Variants in TDRD9 observed in about 807,000 individuals in gnomAD.
TDRD9 encodes the protein tudor domain containing 9, also known as ATP-dependent RNA helicase TDRD9.
A neutral mutation model predicts 172.6 loss-of-function variants in TDRD9; 124 were observed. That is an observed-to-expected ratio of 0.72 (90% CI 0.62 to 0.83). The LOEUF (loss-of-function observed/expected upper bound fraction) is 0.83, where lower values mean the gene tolerates loss of function less well. Ranked by LOEUF, TDRD9 falls within the 40% of genes least tolerant of loss-of-function variation. The pLI is 0.00. For missense variants in TDRD9, 1,479 were observed against 1,714.1 expected (o/e 0.86, Z 2.42); for synonymous variants, 619 against 617.1 (o/e 1.00, Z -0.05).
chr14:103,991,414 T>G (rs890149455), intron 9 of TDRD9, among the ~76,000 whole-genome samples, 190 bp downstream of exon 9: 2 of 152,060 alleles, frequency 1.3e-5, no homozygotes, highest in African/African-American at 4.8e-5. Context: ...TTTTTTTTCC[T>G]TTTCCTTTTC....
chr14:103,999,630 G>A (rs1218386425), intron 13 of TDRD9, among the ~76,000 whole-genome samples: 2 of 146,644 alleles, frequency 1.4e-5, no homozygotes, highest in Non-Finnish European at 3.0e-5. Context: ...TTTTTTTTTT[G>A]TTTGTTTTTT....
At chr14:104,004,187 G>A in intron 13 of TDRD9, 51 bp from the exon 14 acceptor site, 1 of 856,572 alleles carries the variant, frequency 1.2e-6, no homozygotes. Flanking sequence ...CCTTCATGCT[G>A]ATGTTAAAGT....
At chr14:104,008,509 C>A in intron 20 of TDRD9, 43 bp downstream of exon 20, 3 of 1,224,454 alleles carry the variant, frequency 2.5e-6, no homozygotes, top group Middle Eastern at 1.9e-4. Flanking sequence ...ATAAAGTTGA[C>A]TTATGAAATA....
chr14:103,995,461 C>T (rs907131026), intron 11 of TDRD9, among the ~76,000 whole-genome samples: 1 of 152,166 alleles, frequency 6.6e-6, no homozygotes, highest in African/African-American at 2.4e-5. Context: ...CAGGACCCCT[C>T]TCCACCCCAC....
chr14:104,022,719 G>A (rs898184835), intron 24 of TDRD9, among the ~76,000 whole-genome samples: 6 of 103,688 alleles, frequency 5.8e-5, no homozygotes, highest in Admixed American at 5.5e-4. Context: ...AGAACAAGAC[G>A]CTGTCTTAAA....
chr14:104,003,557 C>A (rs554608592), intron 13 of TDRD9, among the ~76,000 whole-genome samples: 78 of 152,300 alleles, frequency 5.1e-4, no homozygotes, highest in African/African-American at 1.7e-3. Context: ...TGCCCCATTT[C>A]TTTTAAAGCT....
At chr14:103,998,752 A>T in intron 13 of TDRD9, 24 bp downstream of exon 13, 1 of 1,232,318 alleles carries the variant, frequency 8.1e-7, no homozygotes, top group South Asian at 1.2e-5. Context: ...GTTAAAGCAC[A>T]ATAATGAGTC....
chr14:103,993,050 G>A (rs1034979476), intron 9 of TDRD9, among the ~76,000 whole-genome samples: 2 of 151,842 alleles, frequency 1.3e-5, no homozygotes, highest in African/African-American at 4.8e-5. Flanking sequence ...GATCACTGCA[G>A]CCTCTACCTT....
chr14:103,961,039 G>C (rs769738041), intron 2 of TDRD9, among the ~76,000 whole-genome samples: 25 of 151,996 alleles, frequency 1.6e-4, no homozygotes, highest in Non-Finnish European at 3.5e-4. Flanking sequence ...CTCTCCCTTT[G>C]TCTGCATGCT....
chr14:104,026,803 AG>A lies in TDRD9; in HGVS notation c.3148del (p.Val1050SerfsTer25). 6.2e-7 allele frequency: 1 copy of A among 1,613,966 alleles called. No individual in the cohort carries two copies. The highest frequency in any genetic ancestry group is 1.1e-5 in the South Asian group (1 of 91,066). On this transcript the variant is annotated frameshift_variant, in exon 28 of 36. Coordinates refer to ENST00000409874, the MANE Select transcript of TDRD9 (RefSeq NM_153046.3). LOFTEE classifies it high-confidence loss of function. The stretch of plus-strand genomic sequence containing the variant: ...GTGAGCGGCTGCACCCTCCTTGTGA[AG>A]GTCTTCTCTGTGGTGCACAGCGTCC... ...SLVSGCTLLV[K>X]VFSVVHSVLH...
chr14:104,018,198 T>C lies in TDRD9; in HGVS notation c.2432+6T>C. 6.6e-7 allele frequency: 1 copy of C among 1,507,790 alleles called. No individual in the cohort carries two copies. The highest frequency in any genetic ancestry group is 2.3e-5 in the East Asian group (1 of 43,946). The allele number at this position is 1,507,790 out of a possible 1,614,324, so 93.4% of individuals were successfully genotyped here. ...ATTGTATTTGATGGTGCAAAGTAAG[T>C]ATATTTTTGTAATCAACTGCAATTA... On this transcript the variant is annotated splice_donor_region_variant and intron_variant, in intron 23 of 35. Transcript: ENST00000409874.
At chr14:103,934,187 A>AT (rs1264253690) in intron 1 of TDRD9, among the ~76,000 whole-genome samples, 2 of 151,792 alleles carry the variant, frequency 1.3e-5, no homozygotes, top group Non-Finnish European at 1.5e-5. Context: ...TGGCTAATTT[A>AT]TTTTTTGTAA....
chr14:103,963,580 C>T (rs568212561), intron 3 of TDRD9, among the ~76,000 whole-genome samples: 1 of 152,154 alleles, frequency 6.6e-6, no homozygotes, highest in Non-Finnish European at 1.5e-5. Context: ...TTCTTTACAG[C>T]GTTGGCCCTT....
intron 30 of TDRD9, among the ~76,000 whole-genome samples, chr14:104,032,309 C>A (rs1671136361): frequency 6.6e-6 from 1 of 152,262 alleles, no homozygotes; most frequent in African/African-American, 2.4e-5. Context: ...CAGATTCAAG[C>A]AATTCTCCTG....
intron 1 of TDRD9, among the ~76,000 whole-genome samples, chr14:103,929,815 C>T (rs886214301): frequency 6.6e-6 from 1 of 152,138 alleles, no homozygotes; most frequent in African/African-American, 2.4e-5. Context: ...CCACTGCGCC[C>T]GGCCTGCTTC....
At chr14:103,961,590 GAAAA>G in intron 2 of TDRD9, among the ~76,000 whole-genome samples, 1 of 138,572 alleles carries the variant, frequency 7.2e-6, no homozygotes, top group East Asian at 2.1e-4. Context: ...AAGAAAAAAG[GAAAA>G]AAAAAAAAGC....
Position 104,052,142 on chromosome 14 carries a change from G to C in TDRD9, c.*60G>C. ...GGAAGCTGTGGAGGCTGGATTCCAG[G>C]CTCCCTCCGCAGACTGACTTTCCTC... On this transcript the variant is annotated 3_prime_UTR_variant, in exon 36 of 36. Coordinates refer to ENST00000409874, the MANE Select transcript of TDRD9 (RefSeq NM_153046.3). The C allele has an allele frequency of 3.1e-5, 37 of 1,203,932 alleles. No individual in the cohort carries two copies. Among genetic ancestry groups the C allele is most frequent in the Non-Finnish European group, 4.2e-5 (35 of 836,914 alleles). 74.6% of individuals were successfully genotyped at this position (1,203,932 alleles called of 1,614,324 possible).
chr14:104,017,925 TAA>T (rs1383228837), intron 22 of TDRD9, among the ~76,000 whole-genome samples, 165 bp from the exon 23 acceptor site: 1 of 152,252 alleles, frequency 6.6e-6, no homozygotes, highest in East Asian at 1.9e-4. Context: ...AGTTAGAATT[TAA>T]AAGTCTTTAA....
chr14:103,972,500 T>C (rs1408194557), intron 6 of TDRD9, among the ~76,000 whole-genome samples: 5 of 152,136 alleles, frequency 3.3e-5, no homozygotes, highest in Admixed American at 3.3e-4. Context: ...AGGAAGAAGG[T>C]GTGAACTAGG....
Sources: allele counts gnomAD v4.1 joint callset (sites outside exome capture counted in the v4.1 genomes callset), GRCh38; gene constraint gnomAD v4.1.1; transcripts MANE v1.5; gene names NCBI Gene and HGNC (gene_info 2026-07-23, HGNC 2026-07-21).